The following ETV4 variants were observed in gnomAD, a reference collection of about 807,000 sequenced individuals.
The protein encoded by ETV4 is ETS translocation variant 4.
A neutral mutation model predicts 65.9 loss-of-function variants in ETV4; 42 were observed. The observed-to-expected ratio is 0.64, with a 90% CI of 0.50 to 0.82. The LOEUF (loss-of-function observed/expected upper bound fraction) is 0.82. ETV4 is among the 40% of genes least tolerant of loss of function. The pLI is 0.00. For missense variants in ETV4, 583 were observed against 630.3 expected (o/e 0.92, Z 0.80); for synonymous variants, 238 against 260.0 (o/e 0.92, Z 0.81).
chr17:43,533,988 G>T lies in ETV4; in HGVS notation c.257-3C>A, dbSNP rs377089461. 7.7e-4 allele frequency: 1,175 copies of T among 1,526,262 alleles called. 22 individuals are homozygous for T. In the South Asian group the frequency reaches 0.015, roughly 20 times the overall value. The allele number at this position is 1,526,262 out of a possible 1,614,324, so 94.5% of individuals were successfully genotyped here. A position where few individuals can be genotyped will look rare whatever the true frequency, so the allele number is the denominator to read the frequency against. ...GGTGGTGGGGCTGTGGAAAGCTACT[G>T]TGGGGGTGGAGGGGACAGAGCAAGG... is the stretch of plus-strand genomic sequence containing the variant. On this transcript the variant is annotated splice_polypyrimidine_tract_variant and splice_region_variant and intron_variant, in intron 5 of 12. Transcript: ENST00000319349.
chr17:43,541,797 A>C (rs975365392), intron 4 of ETV4, among the ~76,000 whole-genome samples: 3 of 152,022 alleles, frequency 2.0e-5, no homozygotes, highest in African/African-American at 7.2e-5. Flanking sequence ...CCAGTTCACT[A>C]GTTGTGGAGG....
intron 4 of ETV4, among the ~76,000 whole-genome samples, chr17:43,540,679 T>C (rs911057101): frequency 6.6e-6 from 1 of 152,102 alleles, no homozygotes; most frequent in African/African-American, 2.4e-5. Context: ...ACCTTAAAAA[T>C]AGGCACATTT....
intron 4 of ETV4, among the ~76,000 whole-genome samples, chr17:43,537,416 G>A (rs753329391): frequency 1.3e-5 from 2 of 151,022 alleles, no homozygotes; most frequent in Non-Finnish European, 2.9e-5. Flanking sequence ...GGGGGTGGCT[G>A]GGCGCAGTGG....
Position 43,529,500 on chromosome 17 carries a change from C to T in ETV4, c.1128+4G>A. On this transcript the variant is annotated splice_donor_region_variant and intron_variant, in intron 11 of 12. Transcript: ENST00000319349. ...GGAGGGCTGGGAACATCCGAGAGGC[C>T]CACCTCCTCAGGCTCAATGAGCTTG... The T allele has an allele frequency of 1.2e-6, 2 of 1,603,572 alleles. No homozygotes were observed. Among genetic ancestry groups the T allele is most frequent in the Non-Finnish European group, 1.7e-6 (2 of 1,173,384 alleles).
At chr17:43,536,969 C>G (rs1375567229) in intron 4 of ETV4, among the ~76,000 whole-genome samples, 1 of 152,246 alleles carries the variant, frequency 6.6e-6, no homozygotes, top group Non-Finnish European at 1.5e-5. Flanking sequence ...TGAAGTGAAA[C>G]AGCCTCGCCC....
chr17:43,529,006 T>C (rs1172461640), intron 12 of ETV4, 129 bp downstream of exon 12: 2 of 937,520 alleles, frequency 2.1e-6, no homozygotes, highest in Admixed American at 3.8e-5. Flanking sequence ...CCACAATTTC[T>C]TGTCTCTCTG....
At chr17:43,531,060 A>G (rs1315426986) in intron 8 of ETV4, among the ~76,000 whole-genome samples, 2 of 152,138 alleles carry the variant, frequency 1.3e-5, no homozygotes, top group Non-Finnish European at 2.9e-5. Flanking sequence ...TCCCCAGCTC[A>G]CTGCCAAGCC....
In ETV4 at chr17:43,529,538, C is replaced by G; in HGVS notation, c.1094G>C (p.Arg365Pro). 3 of 1,613,722 alleles carry G rather than the reference C, an allele frequency of 1.9e-6. No individual in the cohort carries two copies. The highest frequency in any genetic ancestry group is 2.5e-6 in the Non-Finnish European group (3 of 1,179,834). The change falls in exon 11 of 13, where the codon CGG becomes CCG. Residue 365 changes from arginine (R) to proline (P), a missense_variant. Coordinates refer to ENST00000319349, the MANE Select transcript of ETV4 (RefSeq NM_001079675.5). ...TNAHFIAWTG[R>P]GMEFKLIEPE... ...CTCAATGAGCTTGAACTCCATTCCC[C>G]GGCCCGTCCAGGCAATGAAATGGGC...
chr17:43,528,377 T>G lies in ETV4; in HGVS notation c.*142A>C. 1 of 596,626 alleles carries G rather than the reference T, an allele frequency of 1.7e-6. No individual in the cohort carries two copies. Among genetic ancestry groups the G allele is most frequent in the Non-Finnish European group, 2.9e-6 (1 of 342,950 alleles). The allele number at this position is 596,626 out of a possible 1,614,324, so 37.0% of individuals were successfully genotyped here. On this transcript the variant is annotated 3_prime_UTR_variant, in exon 13 of 13. Coordinates refer to ENST00000319349, the MANE Select transcript of ETV4 (RefSeq NM_001079675.5). ...TGACTCCGGTGAGCAGCTCAGAGTC[T>G]GGGCTAGGGCAACTGGTAGGACAGT...
chr17:43,534,114 C>T lies in ETV4; in HGVS notation c.257-129G>A, dbSNP rs577383719. 28 of 1,031,268 alleles carry T rather than the reference C, an allele frequency of 2.7e-5. No individual in the cohort carries two copies. In the East Asian group the frequency reaches 8.1e-4, roughly 30 times the overall value. The allele number at this position is 1,031,268 out of a possible 1,614,324, so 63.9% of individuals were successfully genotyped here. ...ACAGCCTCCTTCCCTCTCTGGGTAT[C>T]AATTTTCTGAGACCCGCAGTGAGAC... On this transcript the variant is annotated intron_variant, in intron 5 of 12. Coordinates refer to ENST00000319349, the MANE Select transcript of ETV4 (RefSeq NM_001079675.5).
At chr17:43,534,164 A>T (rs1971110774) in intron 5 of ETV4, among the ~76,000 whole-genome samples, 179 bp from the exon 6 acceptor site, 1 of 152,160 alleles carries the variant, frequency 6.6e-6, no homozygotes, top group Admixed American at 6.5e-5. Context: ...TATTTACATT[A>T]TGTCTAGTTT....
chr17:43,545,490 G>T (rs570527164), intron 2 of ETV4, 68 bp downstream of exon 2: 1 of 1,481,150 alleles, frequency 6.8e-7, no homozygotes, highest in South Asian at 1.2e-5. Context: ...CTGCGGGGAG[G>T]GGGGCTGTGG....
chr17:43,535,926 C>A (rs10438761), intron 5 of ETV4, among the ~76,000 whole-genome samples: 34,528 of 152,114 alleles, frequency 0.23, 4,144 homozygotes, highest in East Asian at 0.32. Flanking sequence ...TCCTGGCCAA[C>A]ATGGTGAAAC....
chr17:43,531,769 C>T (rs1970950104), intron 8 of ETV4, among the ~76,000 whole-genome samples: 1 of 152,156 alleles, frequency 6.6e-6, no homozygotes, highest in South Asian at 2.1e-4. Flanking sequence ...GAACCATGAG[C>T]CTGGCTAGTT....
intron 5 of ETV4, among the ~76,000 whole-genome samples, chr17:43,536,117 A>AAAAC (rs113078365): frequency 0.014 from 2,136 of 151,718 alleles, 62 homozygotes; most frequent in African/African-American, 0.048. Context: ...TCTTGGGGGG[A>AAAAC]AAACAAACAA....
chr17:43,529,222 C>T lies in ETV4; in HGVS notation c.1143G>A (p.Trp381Ter), dbSNP rs1970757174. 4 of 1,614,042 alleles carry T rather than the reference C, an allele frequency of 2.5e-6. No homozygotes were observed. Among genetic ancestry groups the T allele is most frequent in the Non-Finnish European group, 3.4e-6 (4 of 1,180,024 alleles). ...LIEPEEVARLWGIQKNRPAMN... is the reference protein window; with the variant it reads ...LIEPEEVARL Reference sequence around the variant, plus strand: ...TGGCTGGCCGGTTCTTCTGGATGCCCCAGAGCCTGGCGACCTGGGAACAAA... The same window carrying T: ...TGGCTGGCCGGTTCTTCTGGATGCCTCAGAGCCTGGCGACCTGGGAACAAA... Residue 381 changes from tryptophan to a stop codon, truncating the protein, a stop_gained, in exon 12 of 13, where the codon TGG becomes TGA. Coordinates refer to ENST00000319349, the MANE Select transcript of ETV4 (RefSeq NM_001079675.5). LOFTEE classifies it high-confidence loss of function.
intron 8 of ETV4, chr17:43,530,490 G>T: frequency 2.4e-6 from 3 of 1,257,236 alleles, no homozygotes; most frequent in Non-Finnish European, 3.1e-6. Context: ...AGTTCAGGGG[G>T]AGGAGGGAGG....
intron 8 of ETV4, among the ~76,000 whole-genome samples, chr17:43,531,888 C>T (rs924330563): frequency 3.3e-5 from 5 of 152,174 alleles, no homozygotes; most frequent in Admixed American, 1.3e-4. Flanking sequence ...TCTGCACACT[C>T]GTGTTCCTGT....
At chr17:43,529,998 T>A in intron 9 of ETV4, 46 bp from the exon 10 acceptor site, 1 of 1,612,896 alleles carries the variant, frequency 6.2e-7, no homozygotes, top group Non-Finnish European at 8.5e-7. Context: ...GGTTCACCGA[T>A]GAGACCCCAG....
Sources: allele counts gnomAD v4.1 joint callset (sites outside exome capture counted in the v4.1 genomes callset), GRCh38; gene constraint gnomAD v4.1.1; transcripts MANE v1.5; gene names NCBI Gene and HGNC (gene_info 2026-07-23, HGNC 2026-07-21).